SGCD: variants seen among roughly 807,000 people sequenced by gnomAD.
SGCD encodes delta-sarcoglycan.
In SGCD, 18 loss-of-function variants were observed where a neutral mutation model predicts 36.6. That is an observed-to-expected ratio of 0.49 (90% CI 0.34 to 0.73). SGCD has a LOEUF of 0.73. SGCD is among the 30% of genes least tolerant of loss of function. The pLI, the probability that SGCD is intolerant of heterozygous loss-of-function variation, is 0.01. For synonymous variants in SGCD, 133 were observed against 130.6 expected, an observed-to-expected ratio of 1.02 and a Z score of -0.12; for missense variants, 387 against 346.7, an observed-to-expected ratio of 1.12 and a Z score of -0.92.
intron 3 of SGCD, among the ~76,000 whole-genome samples, chr5:156,423,333 TA>T: frequency 2.2e-5 from 1 of 46,102 alleles, no homozygotes; most frequent in East Asian, 6.8e-4. Context: ...TATTTTATTA[TA>T]ATATAATATA....
the SGCD span, among the ~76,000 whole-genome samples, chr5:155,787,220 G>C: frequency 6.6e-6 from 1 of 152,120 alleles, no homozygotes; most frequent in East Asian, 1.9e-4. Context: ...ATGACAATTG[G>C]GTGAGATTAA....
At chr5:155,801,161 C>T in the SGCD span, among the ~76,000 whole-genome samples, 1 of 152,120 alleles carries the variant, frequency 6.6e-6, no homozygotes, top group Non-Finnish European at 1.5e-5. Flanking sequence ...TCTGTTGACT[C>T]ACTAGGACTC....
chr5:156,150,832 C>T (rs1418795146), intron 3 of SGCD, among the ~76,000 whole-genome samples: 1 of 151,558 alleles, frequency 6.6e-6, no homozygotes, highest in Non-Finnish European at 1.5e-5. Flanking sequence ...TTCCTCAAAG[C>T]TGCTCAGTGG....
chr5:156,685,209 G>A (rs1025311194), intron 7 of SGCD, among the ~76,000 whole-genome samples: 4 of 152,068 alleles, frequency 2.6e-5, no homozygotes, highest in African/African-American at 9.7e-5. Flanking sequence ...GGGGAGATGC[G>A]TCGCAGGGTA....
chr5:156,335,524 C>T (rs933214163), intron 2 of SGCD, among the ~76,000 whole-genome samples: 2 of 152,172 alleles, frequency 1.3e-5, no homozygotes, highest in African/African-American at 4.8e-5. Context: ...AGATTCGTTT[C>T]CAAGTGCCAT....
At chr5:156,619,324 G>A (rs2113491275) in intron 6 of SGCD, among the ~76,000 whole-genome samples, 2 of 152,276 alleles carry the variant, frequency 1.3e-5, no homozygotes, top group East Asian at 1.9e-4. Flanking sequence ...CGAGCCGGCC[G>A]AAGAGAGCCA....
the SGCD span, among the ~76,000 whole-genome samples, chr5:155,828,300 G>A: frequency 6.6e-6 from 1 of 152,126 alleles, no homozygotes; most frequent in Non-Finnish European, 1.5e-5. Context: ...AGAGGAGTGA[G>A]ACTTAGCTAT....
intron 3 of SGCD, among the ~76,000 whole-genome samples, chr5:156,306,192 C>A (rs1419725670): frequency 2.0e-5 from 3 of 152,146 alleles, no homozygotes; most frequent in African/African-American, 7.2e-5. Flanking sequence ...GCTGTGTCAC[C>A]ACCCGTATCT....
intron 1 of SGCD, among the ~76,000 whole-genome samples, chr5:156,012,452 A>G (rs1451517440): frequency 1.3e-5 from 2 of 152,194 alleles, no homozygotes; most frequent in African/African-American, 2.4e-5. Flanking sequence ...ATAGAGGTGG[A>G]AATGTAAATG....
intron 2 of SGCD, among the ~76,000 whole-genome samples, chr5:156,344,051 A>AC (rs11426656): frequency 0.19 from 28,405 of 151,794 alleles, 2,857 homozygotes; most frequent in Middle Eastern, 0.25. Flanking sequence ...TTTTTTAACC[A>AC]CCCCCCCAAA....
chr5:156,483,552 G>A (rs903365234), intron 3 of SGCD, among the ~76,000 whole-genome samples: 5 of 152,162 alleles, frequency 3.3e-5, no homozygotes, highest in Non-Finnish European at 7.3e-5. Flanking sequence ...AACAGAAGGC[G>A]AGGCCTGGGC....
chr5:155,971,562 G>T (rs1393074272), intron 1 of SGCD, among the ~76,000 whole-genome samples: 2 of 151,996 alleles, frequency 1.3e-5, no homozygotes, highest in South Asian at 2.1e-4. Context: ...CATAAGATTG[G>T]CAGACAATTG....
intron 6 of SGCD, among the ~76,000 whole-genome samples, chr5:156,639,145 T>C (rs1178626207): frequency 6.6e-6 from 1 of 151,936 alleles, no homozygotes; most frequent in African/African-American, 2.4e-5. Flanking sequence ...TATATACATA[T>C]GTGTATATGT....
intron 3 of SGCD, among the ~76,000 whole-genome samples, chr5:156,468,366 T>G (rs982962341): frequency 2.0e-5 from 3 of 149,666 alleles, no homozygotes; most frequent in African/African-American, 7.4e-5. Context: ...AAAAAAAGAT[T>G]ATAAATTGTT....
intron 3 of SGCD, among the ~76,000 whole-genome samples, chr5:156,436,182 G>A (rs937352725): frequency 6.6e-6 from 1 of 152,156 alleles, no homozygotes; most frequent in East Asian, 1.9e-4. Flanking sequence ...TCAAAAATTT[G>A]AATTGATTTT....
At chr5:156,245,665 C>T (rs534983540) in intron 3 of SGCD, among the ~76,000 whole-genome samples, 7 of 151,946 alleles carry the variant, frequency 4.6e-5, no homozygotes, top group South Asian at 4.2e-4. Context: ...TATCATGTTA[C>T]GGGAAATACA....
chr5:156,173,072 T>C (rs907497059), intron 3 of SGCD, among the ~76,000 whole-genome samples: 1 of 152,152 alleles, frequency 6.6e-6, no homozygotes, highest in Non-Finnish European at 1.5e-5. Flanking sequence ...ATTATTTTAG[T>C]AGCCCATTAA....
At chr5:155,950,064 G>C (rs367720251) in intron 1 of SGCD, among the ~76,000 whole-genome samples, 1 of 152,258 alleles carries the variant, frequency 6.6e-6, no homozygotes, top group South Asian at 2.1e-4. Context: ...GCAAGCAATA[G>C]AAAACTTGAC....
At chr5:156,567,377 A>AATAGATAGATAAATAG (rs1759532521) in intron 4 of SGCD, among the ~76,000 whole-genome samples, 1 of 131,774 alleles carries the variant, frequency 7.6e-6, no homozygotes, top group South Asian at 2.6e-4. Context: ...TGGATAGATA[A>AATAGATAGATAAATAG]ATAGATAGAT....
Sources: gnomAD v4.1 joint callset for allele counts (sites outside exome capture counted in the v4.1 genomes callset) on GRCh38, gnomAD v4.1.1 for gene constraint, MANE v1.5 for transcripts, NCBI Gene and HGNC (gene_info 2026-07-23, HGNC 2026-07-21) for gene names.